Variants in NFYC observed in about 807,000 individuals in gnomAD.
The protein encoded by NFYC is CAAT box DNA-binding protein subunit C.
NFYC carries 25 observed loss-of-function variants against 53.1 expected under a neutral mutation model. The ratio of observed to expected loss-of-function variants is 0.47; its 90% CI spans 0.34 to 0.66. The LOEUF is 0.66. Among genes scored for constraint, NFYC ranks in the 30% least tolerant of loss-of-function variants. The pLI, the probability that NFYC is intolerant of heterozygous loss-of-function variation, is 0.01. For synonymous variants in NFYC, 145 were observed against 152.6 expected, an observed-to-expected ratio of 0.95 and a Z score of 0.37; for missense variants, 260 against 422.7, an observed-to-expected ratio of 0.62 and a Z score of 3.38.
At chr1:40,763,100 AGATATATATACCTT>A in intron 7 of NFYC, 54 bp downstream of exon 7, 1 of 1,412,116 alleles carries the variant, frequency 7.1e-7, no homozygotes, top group Non-Finnish European at 9.5e-7. Context: ...AAATACTTAA[AGATATATATACCTT>A]GATATATATA....
intron 1 of NFYC, among the ~76,000 whole-genome samples, chr1:40,714,818 C>T (rs1467462154): frequency 1.3e-5 from 2 of 152,066 alleles, no homozygotes; most frequent in East Asian, 1.9e-4. Context: ...TGGTGGCTCA[C>T]GCCTGTAATC....
intron 4 of NFYC, among the ~76,000 whole-genome samples, chr1:40,751,561 A>G (rs1488099885): frequency 6.6e-6 from 1 of 152,260 alleles, no homozygotes; most frequent in East Asian, 1.9e-4. Flanking sequence ...GCATGCCACC[A>G]TATCTGGCTT....
intron 2 of NFYC, among the ~76,000 whole-genome samples, chr1:40,741,622 A>G (rs1206112152): frequency 6.8e-6 from 1 of 147,014 alleles, no homozygotes; most frequent in Non-Finnish European, 1.5e-5. Flanking sequence ...TCCTTTTTGG[A>G]GACAGGGTCT....
intron 7 of NFYC, 149 bp from the exon 8 acceptor site, chr1:40,766,447 C>G (rs1646814463): frequency 6.6e-6 from 4 of 609,994 alleles, no homozygotes; most frequent in Non-Finnish European, 8.8e-6. Flanking sequence ...CTTGTTTTGA[C>G]CTCTGTTTAA....
chr1:40,713,174 A>G (rs1279427927), intron 1 of NFYC, among the ~76,000 whole-genome samples: 4 of 152,186 alleles, frequency 2.6e-5, no homozygotes, highest in Admixed American at 6.5e-5. Context: ...AGTGTCATCT[A>G]TTTTTAGGAC....
At chr1:40,752,236 T>G (rs568775777) in intron 4 of NFYC, among the ~76,000 whole-genome samples, 21 of 152,344 alleles carry the variant, frequency 1.4e-4, no homozygotes, top group African/African-American at 4.1e-4. Flanking sequence ...TATCCCTCTA[T>G]CCATCCTTCA....
At chr1:40,744,116 T>C (rs11208803) in intron 2 of NFYC, among the ~76,000 whole-genome samples, 133,498 of 152,188 alleles carry the variant, frequency 0.88, 58,672 homozygotes, top group East Asian at 0.98. Context: ...CAAGCATTAC[T>C]GCCTGAGCTC....
rs537060580 is a variant in NFYC at position 40,703,241 on chromosome 1, G to A, written c.-9+11374G>A. On this transcript the variant is annotated intron_variant, in intron 1 of 9. Transcript: ENST00000447388. ...GCAGTGGCTCACACATACAATCCCA[G>A]CATCTTGGGAGGTTGAGGTGGGAGG... is the stretch of plus-strand genomic sequence containing the variant. Among the ~76,000 whole-genome samples the A allele has an allele frequency of 9.0e-4, 137 of 152,092 alleles. 1 individual carries two copies. Among genetic ancestry groups the A allele is most frequent in the African/African-American group, 3.2e-3 (131 of 41,482 alleles).
At chr1:40,724,014 T>C (rs1363491140) in intron 1 of NFYC, among the ~76,000 whole-genome samples, 4 of 152,134 alleles carry the variant, frequency 2.6e-5, no homozygotes, top group African/African-American at 7.2e-5. Context: ...TTTTAGGCTT[T>C]GTGGCTGTAT....
At chr1:40,749,708 AG>A (rs1557872361) in intron 4 of NFYC, 22 bp downstream of exon 4, 1 of 1,593,976 alleles carries the variant, frequency 6.3e-7, no homozygotes, top group Non-Finnish European at 8.6e-7. Flanking sequence ...GACTTAGATT[AG>A]GAAAACTGGG....
chr1:40,744,309 A>C (rs529119964), intron 2 of NFYC, among the ~76,000 whole-genome samples: 3 of 152,334 alleles, frequency 2.0e-5, no homozygotes, highest in Non-Finnish European at 4.4e-5. Context: ...ACTGTCCTAG[A>C]GTTCCTGATT....
intron 1 of NFYC, among the ~76,000 whole-genome samples, chr1:40,737,975 T>C: frequency 6.8e-6 from 1 of 146,288 alleles, no homozygotes; most frequent in African/African-American, 2.6e-5. Flanking sequence ...GGATCTCGGC[T>C]CACTGCAAGC....
At chr1:40,702,127 A>G (rs770240247) in intron 1 of NFYC, among the ~76,000 whole-genome samples, 13 of 152,134 alleles carry the variant, frequency 8.5e-5, no homozygotes, top group Non-Finnish European at 1.5e-4. Context: ...TTTCCCATCT[A>G]TTGGTCTTAA....
chr1:40,761,853 A>G (rs75720311), intron 6 of NFYC, among the ~76,000 whole-genome samples: 1 of 152,214 alleles, frequency 6.6e-6, no homozygotes, highest in Admixed American at 6.5e-5. Flanking sequence ...GTGAGGAGAG[A>G]TAGTGATGGA....
intron 1 of NFYC, chr1:40,709,240 CT>C (rs1643862932): frequency 6.6e-6 from 1 of 152,154 alleles, no homozygotes; most frequent in African/African-American, 2.4e-5. Context: ...CCAATCGTGG[CT>C]TTGTGTTCTT....
chr1:40,720,296 A>G (rs1419537694), intron 1 of NFYC, among the ~76,000 whole-genome samples: 1 of 152,146 alleles, frequency 6.6e-6, no homozygotes, highest in Admixed American at 6.5e-5. Context: ...TAGGTTTTTA[A>G]TTGACAATTT....
intron 1 of NFYC, among the ~76,000 whole-genome samples, chr1:40,699,281 C>T (rs1187046524): frequency 6.6e-6 from 1 of 152,202 alleles, no homozygotes; most frequent in African/African-American, 2.4e-5. Flanking sequence ...TGAAGGTTTT[C>T]ACAATCCCAA....
chr1:40,720,896 G>C (rs1160336999), intron 1 of NFYC, among the ~76,000 whole-genome samples: 1 of 152,018 alleles, frequency 6.6e-6, no homozygotes, highest in Non-Finnish European at 1.5e-5. Flanking sequence ...TTAAGTTCTT[G>C]AGGAACCTGT....
chr1:40,770,360 C>T lies in NFYC; in HGVS notation c.889-349C>T. 6.6e-7 allele frequency: 1 copy of T among 1,520,688 alleles called. No homozygotes were observed. The highest frequency in any genetic ancestry group is 8.9e-7 in the Non-Finnish European group (1 of 1,127,368). 94.2% of individuals were successfully genotyped at this position (1,520,688 alleles called of 1,614,324 possible). A position where few individuals can be genotyped will look rare whatever the true frequency, so the allele number is the denominator to read the frequency against. On this transcript the variant is annotated intron_variant, in intron 9 of 9. Coordinates refer to ENST00000447388, the MANE Select transcript of NFYC (RefSeq NM_014223.5). This position sits in a 1 kb window ranked among gnomAD's most constrained non-coding sequence, Gnocchi z 5.3. Reference sequence around the variant, plus strand: ...TGGGGAAATGCTGACTTCCAAGCTGCTGGTACAGTGGTTCGAATTGCTTGT... The same window carrying T: ...TGGGGAAATGCTGACTTCCAAGCTGTTGGTACAGTGGTTCGAATTGCTTGT...
Sources: allele counts gnomAD v4.1 joint callset (sites outside exome capture counted in the v4.1 genomes callset), GRCh38; gene constraint gnomAD v4.1.1; non-coding constraint Gnocchi (gnomAD v3.1); transcripts MANE v1.5; gene names NCBI Gene and HGNC (gene_info 2026-07-23, HGNC 2026-07-21).